The following TPO variants were observed in gnomAD, a reference collection of about 807,000 sequenced individuals.
TPO encodes thyroid peroxidase, also known as thyroid microsomal antigen.
Under a neutral mutation model 96.9 loss-of-function variants are expected in TPO, and 78 were observed. The ratio of observed to expected loss-of-function variants is 0.81; its 90% CI spans 0.67 to 0.97. TPO has a LOEUF of 0.97. Among genes scored for constraint, TPO ranks in the 50% least tolerant of loss-of-function variants. The pLI is 0.00. For missense variants in TPO, 1,252 were observed against 1,274.8 expected, an observed-to-expected ratio of 0.98 and a Z score of 0.27; for synonymous variants, 547 against 538.0, an observed-to-expected ratio of 1.02 and a Z score of -0.23.
chr2:1,448,721 G>A (rs13410529), intron 5 of TPO, among the ~76,000 whole-genome samples: 57,569 of 152,052 alleles, frequency 0.38, 11,061 homozygotes, highest in South Asian at 0.48. Context: ...ATTGATTGAC[G>A]TGGGAATATC....
At chr2:1,506,406 G>A (rs962050990) in intron 14 of TPO, among the ~76,000 whole-genome samples, 3 of 152,132 alleles carry the variant, frequency 2.0e-5, no homozygotes, top group Admixed American at 2.0e-4. Flanking sequence ...CCCAGTAATG[G>A]GATTGCTGGG....
At position 1,422,351 on chromosome 2, in the gene TPO, G is replaced by A. The variant is rs543775721; in HGVS notation, c.95-694G>A. Among the ~76,000 whole-genome samples, 4 of 140,438 alleles carry A rather than the reference G, an allele frequency of 2.8e-5. No individual in the cohort carries two copies. In the South Asian group the frequency reaches 8.5e-4, roughly 30 times the overall value. The allele number at this position is 140,438 out of a possible 152,430, so 92.1% of individuals were successfully genotyped here. The stretch of plus-strand genomic sequence containing the variant: ...CAGGCGCCTCTCCTGGACCGACCTC[G>A]TGCAGGCGCCGCGCTGGACCGACCT... On this transcript the variant is annotated intron_variant, in intron 2 of 16. Transcript: ENST00000329066.
intron 7 of TPO, among the ~76,000 whole-genome samples, chr2:1,476,143 C>A (rs2148668183): frequency 6.6e-6 from 1 of 152,326 alleles, no homozygotes; most frequent in East Asian, 1.9e-4. Flanking sequence ...GAGCTTTCCC[C>A]TTATTTTCAC....
At chr2:1,406,473 T>C (rs1662252253) in intron 1 of TPO, among the ~76,000 whole-genome samples, 1 of 152,258 alleles carries the variant, frequency 6.6e-6, no homozygotes, top group Non-Finnish European at 1.5e-5. Context: ...GGTCCTTCTC[T>C]GCTTCCAGAC....
chr2:1,527,831 C>G (rs1368022912), intron 15 of TPO, among the ~76,000 whole-genome samples: 1 of 107,580 alleles, frequency 9.3e-6, no homozygotes, highest in Non-Finnish European at 1.8e-5. Flanking sequence ...AATCCCCATA[C>G]TGTGTGCAAC....
At chr2:1,440,423 G>C (rs187465752) in intron 5 of TPO, among the ~76,000 whole-genome samples, 52 of 152,302 alleles carry the variant, frequency 3.4e-4, no homozygotes, top group Non-Finnish European at 6.5e-4. Context: ...TGCCTAGGAC[G>C]TATCACATAA....
intron 5 of TPO, among the ~76,000 whole-genome samples, chr2:1,443,170 C>T (rs76923303): frequency 0.044 from 6,657 of 152,192 alleles, 188 homozygotes; most frequent in Middle Eastern, 0.13. Context: ...GGAATGGAGC[C>T]AGCTCCTTCT....
intron 1 of TPO, among the ~76,000 whole-genome samples, chr2:1,375,844 G>A (rs1287605404): frequency 6.6e-6 from 1 of 152,126 alleles, no homozygotes; most frequent in African/African-American, 2.4e-5. Context: ...CCTCCTCACT[G>A]CGAATCTCTG....
intron 4 of TPO, among the ~76,000 whole-genome samples, chr2:1,435,708 C>A (rs183167957): frequency 6.6e-6 from 1 of 152,086 alleles, no homozygotes; most frequent in South Asian, 2.1e-4. Flanking sequence ...CCTGGGTTCT[C>A]GTCTCATCTG....
chr2:1,522,730 A>G (rs1675453222), intron 15 of TPO, among the ~76,000 whole-genome samples: 1 of 150,764 alleles, frequency 6.6e-6, no homozygotes, highest in Non-Finnish European at 1.5e-5. Context: ...AACCTCCCCA[A>G]ACCCCCACTG....
chr2:1,440,111 GTTTCCAATGTGCTACA>G (rs1558287792), intron 5 of TPO, among the ~76,000 whole-genome samples: 6 of 151,608 alleles, frequency 4.0e-5, no homozygotes, highest in African/African-American at 1.2e-4. Flanking sequence ...ACTGTGCTGC[GTTTCCAATGTGCTACA>G]TTTCCACTGT....
rs138635022 is a variant in TPO at position 1,524,773 on chromosome 2, C to T, written c.2618+7791C>T. ...CTCACTGTGAGCAACCTCCCCAAAT[C>T]GCCCCACTATGAGCAGCCTCCTCAA... On this transcript the variant is annotated intron_variant, in intron 15 of 16. Coordinates refer to ENST00000329066, the MANE Select transcript of TPO (RefSeq NM_001206744.2). Among the ~76,000 whole-genome samples, 38 of 134,480 alleles carry T rather than the reference C, an allele frequency of 2.8e-4. 1 individual carries two copies. Among genetic ancestry groups the T allele is most frequent in the African/African-American group, 8.7e-4 (31 of 35,522 alleles). The allele number at this position is 134,480 out of a possible 152,430, so 88.2% of individuals were successfully genotyped here.
chr2:1,493,191 T>C (rs905888864), intron 10 of TPO, among the ~76,000 whole-genome samples: 9 of 54,838 alleles, frequency 1.6e-4, no homozygotes, highest in Admixed American at 8.7e-4. Context: ...GATATTTGTG[T>C]GTGTGTGTGT....
intron 2 of TPO, among the ~76,000 whole-genome samples, chr2:1,415,657 G>A (rs1421146559): frequency 1.3e-5 from 2 of 151,726 alleles, no homozygotes; most frequent in Non-Finnish European, 2.9e-5. Context: ...TGGAGCAGGT[G>A]ACACCTTGCC....
chr2:1,500,408 T>C (rs1448860857), intron 13 of TPO, among the ~76,000 whole-genome samples: 1 of 152,206 alleles, frequency 6.6e-6, no homozygotes, highest in Non-Finnish European at 1.5e-5. Context: ...TTACTACAGC[T>C]GTTCCCTGCA....
intron 1 of TPO, among the ~76,000 whole-genome samples, chr2:1,405,142 C>T (rs1662230379): frequency 6.7e-6 from 1 of 148,156 alleles, no homozygotes; most frequent in African/African-American, 2.5e-5. Flanking sequence ...CATTCATCAT[C>T]CACCCACCCA....
intron 1 of TPO, among the ~76,000 whole-genome samples, chr2:1,385,626 G>A (rs1012580888): frequency 7.9e-5 from 12 of 151,164 alleles, no homozygotes; most frequent in African/African-American, 2.9e-4. Context: ...CTTGCTAGCG[G>A]TCTATCAATT....
At chr2:1,542,083 C>A (rs1680826291) in intron 16 of TPO, 1 of 403,856 alleles carries the variant, frequency 2.5e-6, no homozygotes, top group South Asian at 3.1e-5. Flanking sequence ...CTGACTGACA[C>A]CAGGGGCAAG....
intron 1 of TPO, among the ~76,000 whole-genome samples, chr2:1,393,650 C>T (rs1479664540): frequency 6.6e-6 from 1 of 152,076 alleles, no homozygotes; most frequent in African/African-American, 2.4e-5. Flanking sequence ...ATGAGAAAAA[C>T]AAGGCAAAAA....
Sources: allele counts gnomAD v4.1 joint callset (sites outside exome capture counted in the v4.1 genomes callset), GRCh38; gene constraint gnomAD v4.1.1; transcripts MANE v1.5; gene names NCBI Gene and HGNC (gene_info 2026-07-23, HGNC 2026-07-21).